CCDC102B: variants seen among roughly 807,000 people sequenced by gnomAD.
The protein encoded by CCDC102B is coiled-coil domain-containing protein 102B.
CCDC102B carries 75 observed loss-of-function variants against 57.4 expected under a neutral mutation model. The observed-to-expected ratio is 1.31, with a 90% confidence interval of 1.08 to 1.58. The LOEUF (loss-of-function observed/expected upper bound fraction) is 1.58. CCDC102B is among the 40% of genes most tolerant of loss of function. The pLI is 0.00. For missense variants in CCDC102B, 636 were observed against 582.6 expected (o/e 1.09, Z -0.94); for synonymous variants, 206 against 201.9 (o/e 1.02, Z -0.17).
chr18:68,958,379 T>G (rs1017106929), intron 6 of CCDC102B, among the ~76,000 whole-genome samples: 4 of 152,238 alleles, frequency 2.6e-5, no homozygotes, highest in African/African-American at 4.8e-5. Flanking sequence ...CACCTTGATT[T>G]ATTTGCATAT....
At chr18:68,980,961 ATT>A (rs1314453335) in intron 6 of CCDC102B, among the ~76,000 whole-genome samples, 6 of 152,062 alleles carry the variant, frequency 3.9e-5, no homozygotes, top group African/African-American at 1.4e-4. Flanking sequence ...GATGAGCAAC[ATT>A]ATAAGTCCCA....
At chr18:68,774,868 A>G (rs748739097) in intron 2 of CCDC102B, among the ~76,000 whole-genome samples, 1 of 151,566 alleles carries the variant, frequency 6.6e-6, no homozygotes, top group Non-Finnish European at 1.5e-5. Context: ...TTTAATTTTA[A>G]TATATATTAA....
At chr18:68,919,051 T>C (rs748823322) in intron 6 of CCDC102B, among the ~76,000 whole-genome samples, 4 of 152,088 alleles carry the variant, frequency 2.6e-5, no homozygotes, top group Non-Finnish European at 5.9e-5. Flanking sequence ...AGGCTTTTTC[T>C]GTATCTGTGT....
intron 6 of CCDC102B, among the ~76,000 whole-genome samples, chr18:68,961,626 T>A (rs2050050494): frequency 6.6e-6 from 1 of 152,046 alleles, no homozygotes; most frequent in South Asian, 2.1e-4. Flanking sequence ...AATGTCATGG[T>A]ATTCTGCCAA....
intron 2 of CCDC102B, among the ~76,000 whole-genome samples, chr18:68,750,939 A>T (rs1380496876): frequency 2.0e-5 from 3 of 151,942 alleles, no homozygotes; most frequent in African/African-American, 7.3e-5. Flanking sequence ...CCTAGAACTT[A>T]AAGTATAATA....
At chr18:68,749,638 CT>C (rs947786067) in intron 2 of CCDC102B, among the ~76,000 whole-genome samples, 24 of 152,260 alleles carry the variant, frequency 1.6e-4, no homozygotes, top group African/African-American at 5.5e-4. Flanking sequence ...TATCCTGAGA[CT>C]TTGCTGAAGT....
intron 1 of CCDC102B, among the ~76,000 whole-genome samples, chr18:68,833,116 T>C (rs749212798): frequency 4.6e-5 from 7 of 152,194 alleles, no homozygotes; most frequent in African/African-American, 7.2e-5. Context: ...AAACAGTTGA[T>C]ATTTTGAAGC....
intron 6 of CCDC102B, among the ~76,000 whole-genome samples, chr18:68,917,128 C>T (rs951506286): frequency 2.6e-5 from 4 of 152,146 alleles, no homozygotes; most frequent in African/African-American, 9.7e-5. Flanking sequence ...GTTTGGTTAA[C>T]GTTTGTATCT....
chr18:68,985,705 C>A (rs924893111), intron 6 of CCDC102B, among the ~76,000 whole-genome samples: 2 of 152,148 alleles, frequency 1.3e-5, no homozygotes, highest in Non-Finnish European at 2.9e-5. Context: ...GTAAGAGATG[C>A]ATCTCTAGAC....
intron 2 of CCDC102B, among the ~76,000 whole-genome samples, chr18:68,756,935 G>A (rs953798620): frequency 2.0e-5 from 3 of 151,934 alleles, no homozygotes; most frequent in South Asian, 2.1e-4. Context: ...ATGTCTATGC[G>A]TGTGTGGGTA....
chr18:69,035,663 G>T (rs2052271218), intron 7 of CCDC102B, among the ~76,000 whole-genome samples: 1 of 151,938 alleles, frequency 6.6e-6, no homozygotes, highest in Non-Finnish European at 1.5e-5. Flanking sequence ...TGTCTTTATT[G>T]GTTTTACTGA....
rs558266635 is a variant in CCDC102B, at chr18:68,914,328, G to A, written c.1263+16900G>A. Among the ~76,000 whole-genome samples, 9 of 152,284 alleles carry A rather than the reference G, an allele frequency of 5.9e-5. No homozygotes were observed. The South Asian group carries it at 1.5e-3, about 25-fold the overall frequency. On this transcript the variant is annotated intron_variant, in intron 6 of 7. Coordinates refer to ENST00000360242, the MANE Select transcript of CCDC102B (RefSeq NM_024781.3). ...AAATGGTCCTAGGCTGAGTGACTGCGGGTGTGTGAGTGGCCCTGCAGTGGG... is the reference window on the plus strand; with the variant it reads ...AAATGGTCCTAGGCTGAGTGACTGCAGGTGTGTGAGTGGCCCTGCAGTGGG...
At chr18:68,990,233 A>G (rs1261060703) in intron 6 of CCDC102B, among the ~76,000 whole-genome samples, 2 of 152,194 alleles carry the variant, frequency 1.3e-5, no homozygotes, top group African/African-American at 4.8e-5. Context: ...AGATTTGGCT[A>G]CATGTAGGGG....
chr18:68,956,912 C>A (rs993307417), intron 6 of CCDC102B, among the ~76,000 whole-genome samples: 1 of 151,592 alleles, frequency 6.6e-6, no homozygotes, highest in Non-Finnish European at 1.5e-5. Flanking sequence ...TATCTGTTTG[C>A]CATGTGTATG....
intron 6 of CCDC102B, among the ~76,000 whole-genome samples, chr18:68,923,343 G>A (rs913396174): frequency 1.3e-5 from 2 of 151,654 alleles, no homozygotes; most frequent in African/African-American, 4.8e-5. Context: ...ATACAAAAAT[G>A]TATATATGTA....
chr18:68,733,590 G>A (rs1399237175), intron 2 of CCDC102B, among the ~76,000 whole-genome samples: 2 of 149,856 alleles, frequency 1.3e-5, no homozygotes, highest in African/African-American at 2.4e-5. Context: ...ACATTTCATA[G>A]TGTTTTATTG....
intron 2 of CCDC102B, among the ~76,000 whole-genome samples, chr18:68,747,553 C>G (rs754763037): frequency 8.6e-5 from 13 of 151,956 alleles, no homozygotes; most frequent in Non-Finnish European, 1.8e-4. Flanking sequence ...TAGCAACTGC[C>G]ATTCTATTCT....
chr18:69,045,923 C>T (rs1279815865), intron 7 of CCDC102B, among the ~76,000 whole-genome samples: 1 of 152,084 alleles, frequency 6.6e-6, no homozygotes, highest in Non-Finnish European at 1.5e-5. Context: ...TATGTTGCTG[C>T]AAAGAACATA....
intron 6 of CCDC102B, among the ~76,000 whole-genome samples, chr18:68,942,292 C>G (rs903409849): frequency 5.3e-5 from 8 of 152,058 alleles, no homozygotes; most frequent in African/African-American, 1.9e-4. Flanking sequence ...TGCCCCTCCA[C>G]ACCTGTGGGC....
Sources: gnomAD v4.1 joint callset for allele counts (sites outside exome capture counted in the v4.1 genomes callset) on GRCh38, gnomAD v4.1.1 for gene constraint, MANE v1.5 for transcripts, NCBI Gene and HGNC (gene_info 2026-07-23, HGNC 2026-07-21) for gene names.